The following L3MBTL4 variants were observed in gnomAD, a reference collection of about 807,000 sequenced individuals.
The protein encoded by L3MBTL4 is lethal(3)malignant brain tumor-like protein 4.
In L3MBTL4, 70 loss-of-function variants were observed where a neutral mutation model predicts 84.5. The ratio of observed to expected loss-of-function variants is 0.83; its 90% CI spans 0.68 to 1.01. L3MBTL4 has a LOEUF of 1.01. L3MBTL4 is among the 50% of genes least tolerant of loss of function. The pLI, the probability that L3MBTL4 is intolerant of heterozygous loss-of-function variation, is 0.00. For missense variants in L3MBTL4, 715 were observed against 754.8 expected (o/e 0.95, Z 0.62); for synonymous variants, 274 against 259.8 (o/e 1.05, Z -0.52).
At position 6,312,036 on chromosome 18, in the gene L3MBTL4, T is replaced by C. The variant is rs944803500; in HGVS notation, c.-70A>G. On this transcript the variant is annotated 5_prime_UTR_variant, in exon 2 of 19. The change abolishes an upstream ATG in the 5' untranslated region. Transcript: ENST00000317931. ...TATTCTTGGTAAGAGGTCTTAGTCA[T>C]ACAAGGCATAGCATAGCAATCTGAA... 6.1e-6 allele frequency: 1 copy of C among 163,946 alleles called. No individual in the cohort carries two copies. The highest frequency in any genetic ancestry group is 3.0e-3 in the Middle Eastern group (1 of 336). 10.2% of individuals were successfully genotyped at this position (163,946 alleles called of 1,614,324 possible).
rs145905440 is a variant in L3MBTL4, at chr18:6,368,218, T to A, written c.-91+46583A>T. On this transcript the variant is annotated intron_variant, in intron 1 of 18. Transcript: ENST00000317931. ...ACCAAGACCTGCTCTGTGCTGCTTC[T>A]CCATGACTCACAGTGAGGCGGCCGT... Among the ~76,000 whole-genome samples the A allele has an allele frequency of 2.4e-3, 362 of 152,074 alleles. 1 individual carries two copies. The highest frequency in any genetic ancestry group is 8.3e-3 in the African/African-American group (344 of 41,486).
intron 1 of L3MBTL4, among the ~76,000 whole-genome samples, chr18:6,368,017 C>A (rs2054006174): frequency 6.6e-6 from 1 of 152,140 alleles, no homozygotes; most frequent in South Asian, 2.1e-4. Flanking sequence ...GCTGAACACA[C>A]CTCAGCTCTG....
At chr18:5,957,959 CAA>C (rs35012817) in intron 18 of L3MBTL4, among the ~76,000 whole-genome samples, 50,851 of 122,218 alleles carry the variant, frequency 0.42, 10,264 homozygotes, top group East Asian at 0.52. Flanking sequence ...GACTCCACCT[CAA>C]AAAAAAAAAA....
At chr18:5,959,369 A>G (rs756717440) in intron 18 of L3MBTL4, among the ~76,000 whole-genome samples, 8 of 152,214 alleles carry the variant, frequency 5.3e-5, no homozygotes, top group Non-Finnish European at 1.0e-4. Flanking sequence ...TAATGGTTGT[A>G]AAATGCTTAG....
chr18:6,238,170 AG>A, intron 9 of L3MBTL4, 130 bp from the exon 10 acceptor site: 1 of 778,998 alleles, frequency 1.3e-6, no homozygotes, highest in South Asian at 1.5e-5. Context: ...GAGAATTAGA[AG>A]GAATTTTCAG....
chr18:6,122,039 C>A (rs2059546722), intron 14 of L3MBTL4, among the ~76,000 whole-genome samples: 1 of 152,076 alleles, frequency 6.6e-6, no homozygotes, highest in South Asian at 2.1e-4. Context: ...TCAGCTCTAC[C>A]ACTTATGAGT....
chr18:6,371,559 T>C (rs865956132), intron 1 of L3MBTL4, among the ~76,000 whole-genome samples: 4 of 152,062 alleles, frequency 2.6e-5, no homozygotes, highest in African/African-American at 7.2e-5. Flanking sequence ...CCTCCAAAAT[T>C]TCACCAAAAC....
intron 4 of L3MBTL4, among the ~76,000 whole-genome samples, chr18:6,284,789 G>C (rs945460165): frequency 6.6e-6 from 1 of 152,230 alleles, no homozygotes; most frequent in Non-Finnish European, 1.5e-5. Context: ...GGAGGACATG[G>C]GTGGAGGCAG....
chr18:6,090,617 C>T (rs1376453038), intron 15 of L3MBTL4, among the ~76,000 whole-genome samples: 1 of 119,058 alleles, frequency 8.4e-6, no homozygotes, highest in Non-Finnish European at 1.7e-5. Context: ...CACACACACA[C>T]ACACACATAT....
intron 1 of L3MBTL4, among the ~76,000 whole-genome samples, chr18:6,331,434 T>C (rs1017967288): frequency 1.3e-5 from 2 of 152,018 alleles, no homozygotes; most frequent in African/African-American, 4.8e-5. Flanking sequence ...AACTGCCCCA[T>C]AGCAATACCT....
intron 16 of L3MBTL4, among the ~76,000 whole-genome samples, chr18:5,999,050 T>C (rs1313444071): frequency 6.6e-6 from 1 of 152,186 alleles, no homozygotes; most frequent in Admixed American, 6.5e-5. Flanking sequence ...GAACACTCTT[T>C]AGCATGGTGT....
chr18:6,171,428 A>T (rs2043965418), intron 13 of L3MBTL4, among the ~76,000 whole-genome samples: 1 of 152,226 alleles, frequency 6.6e-6, no homozygotes, highest in African/African-American at 2.4e-5. Flanking sequence ...AAATTGTTGG[A>T]AGTTAAAATA....
intron 2 of L3MBTL4, 25 bp from the exon 3 acceptor site, chr18:6,311,681 G>T: frequency 7.2e-7 from 1 of 1,383,868 alleles, no homozygotes; most frequent in Non-Finnish European, 1.0e-6. Flanking sequence ...TACATAAGAA[G>T]TTGGGGATGG....
chr18:6,251,482 C>G lies in L3MBTL4; in HGVS notation c.220-6894G>C, dbSNP rs531964748. On this transcript the variant is annotated intron_variant, in intron 5 of 18. Transcript: ENST00000317931. ...ATTGCGCCAGATACTGTTTTAAGTACTTACAAATATTAACACATTAAATCA... is the reference window on the plus strand; with the variant it reads ...ATTGCGCCAGATACTGTTTTAAGTAGTTACAAATATTAACACATTAAATCA... Among the ~76,000 whole-genome samples the G allele has an allele frequency of 2.6e-5, 4 of 152,276 alleles. No individual in the cohort carries two copies. In the South Asian group the frequency reaches 8.3e-4, roughly 32 times the overall value.
intron 14 of L3MBTL4, among the ~76,000 whole-genome samples, chr18:6,132,315 G>C (rs1307634850): frequency 1.3e-5 from 2 of 152,162 alleles, no homozygotes; most frequent in African/African-American, 2.4e-5. Context: ...ATTCTAGATA[G>C]ATGCTAGCTG....
chr18:6,142,691 T>C (rs2060232593), intron 13 of L3MBTL4, among the ~76,000 whole-genome samples: 1 of 152,076 alleles, frequency 6.6e-6, no homozygotes, highest in Admixed American at 6.5e-5. Flanking sequence ...GAGTTTGAGG[T>C]GGGAGGATCG....
intron 15 of L3MBTL4, among the ~76,000 whole-genome samples, chr18:6,091,294 C>T (rs1376500444): frequency 1.3e-5 from 2 of 152,016 alleles, no homozygotes; most frequent in Admixed American, 6.6e-5. Flanking sequence ...AGGGTAGACT[C>T]GAAAAGGGAA....
In L3MBTL4 at chr18:6,009,718, T is replaced by C. The variant is rs551111121; in HGVS notation, c.1445-40156A>G. Reference sequence around the variant, plus strand: ...TTTTTACTTGTGTTATTTTTATTGTTGTATGTTACTTTTATTTATTTACTT... The same window carrying C: ...TTTTTACTTGTGTTATTTTTATTGTCGTATGTTACTTTTATTTATTTACTT... On this transcript the variant is annotated intron_variant, in intron 16 of 18. Coordinates refer to ENST00000317931, the MANE Select transcript of L3MBTL4 (RefSeq NM_001330559.2). Among the ~76,000 whole-genome samples, 32 of 152,244 alleles carry C rather than the reference T, an allele frequency of 2.1e-4. 1 individual carries two copies. Among genetic ancestry groups the C allele is most frequent in the Non-Finnish European group, 1.0e-4 (7 of 68,040 alleles).
Position 6,198,244 on chromosome 18 carries a change from CA to C in L3MBTL4, c.981+14904del, listed in dbSNP as rs2045495215. Among the ~76,000 whole-genome samples the C allele has an allele frequency of 2.0e-5, 3 of 152,340 alleles. No homozygotes were observed. The South Asian group carries it at 6.2e-4, about 32-fold the overall frequency. ...CAGGGTTGCAACCACTCACTCTCAACAGTAGTGAAGCACTATTTTGGCTCCA... is the reference window on the plus strand; with the variant it reads ...CAGGGTTGCAACCACTCACTCTCAACGTAGTGAAGCACTATTTTGGCTCCA... On this transcript the variant is annotated intron_variant, in intron 12 of 18. Transcript: ENST00000317931.
Sources: gnomAD v4.1 joint callset for allele counts (sites outside exome capture counted in the v4.1 genomes callset) on GRCh38, gnomAD v4.1.1 for gene constraint, MANE v1.5 for transcripts, NCBI Gene and HGNC (gene_info 2026-07-23, HGNC 2026-07-21) for gene names.